The following TPP2 variants were observed in gnomAD, a reference collection of about 807,000 sequenced individuals.
TPP2 encodes tripeptidyl-peptidase 2.
A neutral mutation model predicts 155.9 loss-of-function variants in TPP2; 34 were observed. The ratio of observed to expected loss-of-function variants is 0.22; its 90% CI spans 0.17 to 0.29. TPP2 has a LOEUF of 0.29. TPP2 is among the 10% of genes least tolerant of loss of function. TPP2 has a pLI of 1.00. For synonymous variants in TPP2, 510 were observed against 529.4 expected (o/e 0.96, Z 0.50); for missense variants, 1,028 against 1,522.3 (o/e 0.68, Z 5.40).
chr13:102,597,251 G>A (rs1051760562), intron 1 of TPP2, 48 bp downstream of exon 1: 3 of 1,127,250 alleles, frequency 2.7e-6, no homozygotes, highest in African/African-American at 3.3e-5. Context: ...GGCGGCCGGG[G>A]ACGCGGGTGG....
rs1259811509 is a variant in TPP2 at position 102,648,906 on chromosome 13, G to T, written c.2629-1G>T. 1.3e-6 allele frequency: 2 copies of T among 1,577,660 alleles called. No individual in the cohort carries two copies. Among genetic ancestry groups the T allele is most frequent in the Admixed American group, 2.0e-5 (1 of 49,820 alleles). ...TCCCAAATGTTGTTTTTCTTTTTCA[G>T]TATTCTTTGAAACTGGAGAAAGGAG... On this transcript the variant is annotated splice_acceptor_variant, in intron 21 of 29. Transcript: ENST00000376052. LOFTEE classifies it high-confidence loss of function.
intron 15 of TPP2, 78 bp downstream of exon 15, chr13:102,638,393 A>T: frequency 1.4e-6 from 2 of 1,412,940 alleles, no homozygotes; most frequent in Non-Finnish European, 2.0e-6. Flanking sequence ...TGGACTTTTA[A>T]TGATCACTAA....
intron 1 of TPP2, among the ~76,000 whole-genome samples, chr13:102,604,026 G>C (rs987021625): frequency 2.0e-5 from 3 of 152,174 alleles, no homozygotes; most frequent in Admixed American, 6.5e-5. Flanking sequence ...CTGAAGTAAA[G>C]AATCAGAGGA....
chr13:102,678,101 T>G, intron 29 of TPP2, 126 bp from the exon 30 acceptor site: 1 of 904,572 alleles, frequency 1.1e-6, no homozygotes. Flanking sequence ...GGGTGACGGT[T>G]GGTGGAAGGA....
chr13:102,637,246 A>T lies in TPP2; in HGVS notation c.1836+7A>T. 2 of 1,578,316 alleles carry T rather than the reference A, an allele frequency of 1.3e-6. No individual in the cohort carries two copies. Among genetic ancestry groups the T allele is most frequent in the Non-Finnish European group, 8.5e-7 (1 of 1,173,386 alleles). ...AGGATTGCATTATACAGAGGTATTG[A>T]TGTATCTTCATTTTTACTTTCTTCA... On this transcript the variant is annotated splice_region_variant and intron_variant, in intron 14 of 29. Transcript: ENST00000376052.
chr13:102,634,159 T>G, intron 11 of TPP2, 61 bp downstream of exon 11: 8 of 1,601,652 alleles, frequency 5.0e-6, no homozygotes, highest in Non-Finnish European at 6.8e-6. Flanking sequence ...TTTCTGAAGC[T>G]CTCATGGTAA....
At chr13:102,641,233 A>G (rs1882746333) in intron 16 of TPP2, among the ~76,000 whole-genome samples, 1 of 152,160 alleles carries the variant, frequency 6.6e-6, no homozygotes, top group African/African-American at 2.4e-5. Context: ...CTAAATTTAC[A>G]ATTTAGCAGT....
At chr13:102,666,609 A>G (rs546001796) in intron 27 of TPP2, among the ~76,000 whole-genome samples, 1 of 152,162 alleles carries the variant, frequency 6.6e-6, no homozygotes, top group African/African-American at 2.4e-5. Flanking sequence ...TGAAAATAAT[A>G]TGATTTTCTC....
chr13:102,650,677 AC>A (rs1157183859), intron 23 of TPP2, among the ~76,000 whole-genome samples: 1 of 152,188 alleles, frequency 6.6e-6, no homozygotes, highest in African/African-American at 2.4e-5. Flanking sequence ...GAGTCTGCTT[AC>A]TTGTGAAGAG....
chr13:102,635,522 C>T, intron 11 of TPP2, 65 bp from the exon 12 acceptor site: 1 of 1,150,400 alleles, frequency 8.7e-7, no homozygotes, highest in Non-Finnish European at 1.3e-6. Flanking sequence ...ATCGATCATA[C>T]TGGTGGGCGG....
At chr13:102,610,077 T>C (rs573896998) in intron 2 of TPP2, among the ~76,000 whole-genome samples, 45 of 152,308 alleles carry the variant, frequency 3.0e-4, no homozygotes, top group Middle Eastern at 3.4e-3. Flanking sequence ...TGTTTAGATA[T>C]TTTGCAGTAG....
intron 11 of TPP2, among the ~76,000 whole-genome samples, chr13:102,635,369 A>G (rs558933162): frequency 5.3e-5 from 8 of 152,302 alleles, no homozygotes; most frequent in African/African-American, 1.4e-4. Flanking sequence ...CCCACCACAT[A>G]ATGAGAACAC....
chr13:102,638,412 C>A, intron 15 of TPP2, 97 bp downstream of exon 15: 2 of 1,292,400 alleles, frequency 1.5e-6, no homozygotes, highest in Non-Finnish European at 2.2e-6. Context: ...AATACAGAAC[C>A]AGGTAATGGG....
chr13:102,653,209 AT>A (rs1466205692), intron 24 of TPP2, among the ~76,000 whole-genome samples: 1 of 152,210 alleles, frequency 6.6e-6, no homozygotes, highest in African/African-American at 2.4e-5. Context: ...AATAATTAGT[AT>A]TACAGTTTTA....
At chr13:102,629,651 C>T (rs1228003345) in intron 9 of TPP2, 42 bp downstream of exon 9, 3 of 1,539,266 alleles carry the variant, frequency 1.9e-6, no homozygotes, top group South Asian at 2.6e-5. Context: ...TAGAAACAAG[C>T]AAACAAAAAA....
chr13:102,644,358 C>T (rs1595181610), intron 17 of TPP2, among the ~76,000 whole-genome samples, 199 bp from the exon 18 acceptor site: 1 of 152,200 alleles, frequency 6.6e-6, no homozygotes, highest in East Asian at 1.9e-4. Flanking sequence ...GAGTAAATAA[C>T]TATGTATATT....
At chr13:102,640,506 T>G in intron 16 of TPP2, 130 bp downstream of exon 16, 1 of 678,074 alleles carries the variant, frequency 1.5e-6, no homozygotes, top group Non-Finnish European at 2.4e-6. Flanking sequence ...TACCTTAGAC[T>G]TTCTGTAAAG....
chr13:102,648,884 C>A, intron 21 of TPP2, 23 bp from the exon 22 acceptor site: 1 of 1,564,538 alleles, frequency 6.4e-7, no homozygotes, highest in Non-Finnish European at 8.6e-7. Context: ...TAACTTTTCC[C>A]AAATGTTGTT....
chr13:102,635,645 C>T lies in TPP2; in HGVS notation c.1452C>T (p.Asn484=), dbSNP rs549681730. The part of the protein sequence containing the change: ...TVHSVRRALE[N]TAVKADNIEV... Reference sequence around the variant, plus strand: ...ATTCAGTCAGAAGAGCTCTAGAAAACACTGCAGTGAAGGCTGACAATATAG... The same window carrying T: ...ATTCAGTCAGAAGAGCTCTAGAAAATACTGCAGTGAAGGCTGACAATATAG... Residue 484 remains asparagine (N), a synonymous_variant, in exon 12 of 30, where the codon AAC becomes AAT. Coordinates refer to ENST00000376052, the MANE Select transcript of TPP2 (RefSeq NM_001330588.2). The T allele has an allele frequency of 2.1e-4, 341 of 1,613,368 alleles. 4 individuals are homozygous for T. The South Asian group carries it at 3.6e-3, about 17-fold the overall frequency.
Sources: gnomAD v4.1 joint callset for allele counts (sites outside exome capture counted in the v4.1 genomes callset) on GRCh38, gnomAD v4.1.1 for gene constraint, MANE v1.5 for transcripts, NCBI Gene and HGNC (gene_info 2026-07-23, HGNC 2026-07-21) for gene names.